CSMD1: variants seen among roughly 807,000 people sequenced by gnomAD.
The protein encoded by CSMD1 is CUB and Sushi multiple domains 1, also known as CUB and sushi domain-containing protein 1.
Under a neutral mutation model 417.5 loss-of-function variants are expected in CSMD1, and 213 were observed. The ratio of observed to expected loss-of-function variants is 0.51; its 90% CI spans 0.46 to 0.57. CSMD1 has a LOEUF of 0.57. CSMD1 is among the 20% of genes least tolerant of loss of function. The probability of loss-of-function intolerance (pLI) is 0.00; values close to 1 mark genes in which losing one functional copy is unlikely to be tolerated. For synonymous variants in CSMD1, 2,862 were observed against 1,736.8 expected, an observed-to-expected ratio of 1.65 and a Z score of -16.11; for missense variants, 6,923 against 4,529.7, an observed-to-expected ratio of 1.53 and a Z score of -15.17.
intron 11 of CSMD1, among the ~76,000 whole-genome samples, chr8:3,484,584 A>G (rs770322200): frequency 6.6e-6 from 1 of 152,234 alleles, no homozygotes; most frequent in Non-Finnish European, 1.5e-5. Context: ...AAGCCCATAA[A>G]CTAGACTTCA....
intron 5 of CSMD1, among the ~76,000 whole-genome samples, chr8:3,888,541 T>C (rs1299623486): frequency 3.9e-5 from 6 of 152,204 alleles, no homozygotes; most frequent in Non-Finnish European, 7.3e-5. Flanking sequence ...GACCTTGTCA[T>C]GCCTCTTGTA....
At chr8:4,187,014 GTTC>G (rs1279377622) in intron 3 of CSMD1, among the ~76,000 whole-genome samples, 26 of 152,066 alleles carry the variant, frequency 1.7e-4, no homozygotes, top group Admixed American at 1.7e-3. Flanking sequence ...AATAACAAGT[GTTC>G]TTCTTCCTTT....
intron 3 of CSMD1, among the ~76,000 whole-genome samples, chr8:4,148,662 G>A (rs568093227): frequency 2.6e-5 from 4 of 152,140 alleles, no homozygotes; most frequent in East Asian, 1.9e-4. Flanking sequence ...GGCAGAGAGA[G>A]GAGCGTGCCC....
At position 3,922,935 on chromosome 8, in the gene CSMD1, A is replaced by G. The variant is rs181756639; in HGVS notation, c.818+74968T>C. Among the ~76,000 whole-genome samples the G allele has an allele frequency of 1.4e-4, 22 of 152,340 alleles. No individual in the cohort carries two copies. In the East Asian group the frequency reaches 4.2e-3, roughly 29 times the overall value. On this transcript the variant is annotated intron_variant, in intron 5 of 69. Transcript: ENST00000635120. ...CACAAATAATGGTCAACAAATACCG[A>G]AACAGATTGTGTGAGCCCCTTGAGG...
intron 2 of CSMD1, among the ~76,000 whole-genome samples, chr8:4,569,027 A>G (rs1276543575): frequency 6.6e-6 from 1 of 152,164 alleles, no homozygotes; most frequent in African/African-American, 2.4e-5. Context: ...ACTCTTTGTC[A>G]GATGGATAGA....
intron 5 of CSMD1, among the ~76,000 whole-genome samples, chr8:3,983,546 G>T (rs567024272): frequency 6.6e-6 from 1 of 152,160 alleles, no homozygotes. Context: ...TTTCAGTGCC[G>T]TGGAGAAGGA....
At chr8:3,511,935 T>C (rs574450106) in intron 10 of CSMD1, among the ~76,000 whole-genome samples, 2 of 151,162 alleles carry the variant, frequency 1.3e-5, no homozygotes, top group East Asian at 1.9e-4. Flanking sequence ...TGTTATATGA[T>C]GATTTTTGGT....
intron 5 of CSMD1, among the ~76,000 whole-genome samples, chr8:3,960,383 G>A (rs980797167): frequency 1.1e-4 from 16 of 152,082 alleles, no homozygotes; most frequent in African/African-American, 2.9e-4. Context: ...AAAGCATGGC[G>A]TGAATGTCTT....
At chr8:3,668,329 C>A (rs10097257) in intron 7 of CSMD1, among the ~76,000 whole-genome samples, 1 of 151,904 alleles carries the variant, frequency 6.6e-6, no homozygotes, top group South Asian at 2.1e-4. Flanking sequence ...AGGGGCATGT[C>A]CCACACAGGC....
At chr8:3,487,255 G>A (rs1041750695) in intron 11 of CSMD1, among the ~76,000 whole-genome samples, 7 of 152,102 alleles carry the variant, frequency 4.6e-5, no homozygotes, top group South Asian at 2.1e-4. Context: ...AGGCTGGAGT[G>A]CAGTGGCGCG....
chr8:3,313,036 G>C (rs551072131), intron 23 of CSMD1, among the ~76,000 whole-genome samples: 32 of 152,268 alleles, frequency 2.1e-4, no homozygotes, highest in African/African-American at 7.0e-4. Context: ...TGTAATAGGA[G>C]AATTCTGAAA....
chr8:3,851,400 A>T (rs571095198), intron 5 of CSMD1, among the ~76,000 whole-genome samples: 1 of 152,324 alleles, frequency 6.6e-6, no homozygotes, highest in Admixed American at 6.5e-5. Flanking sequence ...TTTGGCATGG[A>T]CATATGTAGC....
intron 1 of CSMD1, among the ~76,000 whole-genome samples, chr8:4,745,704 G>A (rs1204659823): frequency 6.6e-6 from 1 of 152,274 alleles, no homozygotes; most frequent in South Asian, 2.1e-4. Context: ...GCTACTGAGG[G>A]CTATCATTAA....
intron 3 of CSMD1, among the ~76,000 whole-genome samples, chr8:4,127,608 A>G (rs7011371): frequency 0.15 from 23,090 of 151,962 alleles, 1,863 homozygotes; most frequent in Middle Eastern, 0.19. Context: ...CACACCACAT[A>G]CAACACCCAA....
intron 10 of CSMD1, among the ~76,000 whole-genome samples, chr8:3,562,147 A>T (rs1799493486): frequency 6.6e-6 from 1 of 152,208 alleles, no homozygotes; most frequent in Admixed American, 6.5e-5. Flanking sequence ...AAAAAAAAAA[A>T]ATCCACTGTA....
intron 3 of CSMD1, among the ~76,000 whole-genome samples, chr8:4,388,244 T>A (rs977457684): frequency 6.6e-6 from 1 of 150,652 alleles, no homozygotes; most frequent in Non-Finnish European, 1.5e-5. Flanking sequence ...GAATTCACAA[T>A]TGCAAAATCA....
At chr8:3,928,804 T>G (rs1809934209) in intron 5 of CSMD1, among the ~76,000 whole-genome samples, 1 of 128,030 alleles carries the variant, frequency 7.8e-6, no homozygotes, top group Non-Finnish European at 1.7e-5. Context: ...GCCAGTTCTA[T>G]GCATTCCCAG....
intron 2 of CSMD1, among the ~76,000 whole-genome samples, chr8:4,553,525 T>A (rs1008870188): frequency 3.3e-5 from 5 of 152,122 alleles, no homozygotes; most frequent in Middle Eastern, 3.2e-3. Flanking sequence ...AGAGTTTTGA[T>A]GTTCTTTATG....
intron 6 of CSMD1, among the ~76,000 whole-genome samples, chr8:3,741,213 TAAAAAAA>T (rs58662516): frequency 2.1e-4 from 14 of 67,264 alleles, no homozygotes; most frequent in East Asian, 5.0e-4. Context: ...GACTCCGTCT[TAAAAAAA>T]AAAAAAAAAA....
Sources: gnomAD v4.1 joint callset for allele counts (sites outside exome capture counted in the v4.1 genomes callset) on GRCh38, gnomAD v4.1.1 for gene constraint, MANE v1.5 for transcripts, NCBI Gene and HGNC (gene_info 2026-07-23, HGNC 2026-07-21) for gene names.